SIPA1L1: variants seen among roughly 807,000 people sequenced by gnomAD.
SIPA1L1 encodes the protein signal induced proliferation associated 1 like 1.
In SIPA1L1, 26 loss-of-function variants were observed where a neutral mutation model predicts 162.7. That is an observed-to-expected ratio of 0.16 (90% CI 0.12 to 0.22). The LOEUF (loss-of-function observed/expected upper bound fraction) is 0.22, where lower values mean the gene tolerates loss of function less well. SIPA1L1 is among the 10% of genes least tolerant of loss of function. SIPA1L1 has a pLI of 1.00. For missense variants in SIPA1L1, 1,874 were observed against 2,241.0 expected, an observed-to-expected ratio of 0.84 and a Z score of 3.31; for synonymous variants, 829 against 837.4, an observed-to-expected ratio of 0.99 and a Z score of 0.17.
intron 3 of SIPA1L1, among the ~76,000 whole-genome samples, chr14:71,526,649 A>G (rs749546968): frequency 4.6e-5 from 7 of 152,160 alleles, no homozygotes; most frequent in Admixed American, 6.5e-5. Flanking sequence ...CTCCAAAGGC[A>G]GGTTTGAGCA....
chr14:71,671,212 C>G lies in SIPA1L1; in HGVS notation c.2349C>G (p.Phe783Leu), dbSNP rs369777554. 9.3e-6 allele frequency: 15 copies of G among 1,614,170 alleles called. No homozygotes were observed. Among genetic ancestry groups the G allele is most frequent in the East Asian group, 8.9e-5 (4 of 44,888 alleles). Reference sequence around the variant, plus strand: ...CTAAGTCAAATGTGTTCAGGGACTTCCTTTTGGCGAAAGTGATTAATGCAG... The same window carrying G: ...CTAAGTCAAATGTGTTCAGGGACTTGCTTTTGGCGAAAGTGATTAATGCAG... Reference protein sequence around the residue: ...TFPKSNVFRDFLLAKVINAEN... With the variant: ...TFPKSNVFRDLLLAKVINAEN... Residue 783 changes from phenylalanine to leucine, a missense_variant, in exon 11 of 24, where the codon TTC (phenylalanine) becomes TTG (leucine). Physicochemically the swap from Phe to Leu is conservative, Grantham distance 22. Around this residue, in one of 5 missense-constraint regions of SIPA1L1, gnomAD observed 243 missense variants for 315.0 expected, o/e 0.77. Transcript: ENST00000381232.
chr14:71,574,499 A>C (rs1304791083), intron 4 of SIPA1L1: 1 of 152,268 alleles, frequency 6.6e-6, no homozygotes, highest in Non-Finnish European at 1.5e-5. Context: ...CTGACATTGC[A>C]AAAACAGAGA....
At chr14:71,544,098 C>T (rs2054849668) in intron 4 of SIPA1L1, among the ~76,000 whole-genome samples, 1 of 148,648 alleles carries the variant, frequency 6.7e-6, no homozygotes, top group Non-Finnish European at 1.5e-5. Flanking sequence ...TATACACACG[C>T]ACATGTATGT....
rs142934736 is a variant in SIPA1L1 at position 71,542,367 on chromosome 14, CCTGCTG to C, written c.-303+13012_-303+13017del. 1.8e-3 allele frequency among the ~76,000 whole-genome samples: 248 copies of C among 137,494 alleles called. 1 individual carries two copies. The highest frequency in any genetic ancestry group is 2.8e-3 in the Non-Finnish European group (174 of 62,568). 90.2% of individuals were successfully genotyped at this position (137,494 alleles called of 152,430 possible). On this transcript the variant is annotated intron_variant, in intron 4 of 23. Coordinates refer to ENST00000381232, the MANE Select transcript of SIPA1L1 (RefSeq NM_001386936.1). Reference sequence around the variant, plus strand: ...TCCTTCTTTCCTCTTTCTTCTTCTTCCTGCTGCTGCTGCTGCTGCTTCTTCCTGCTG... The same window carrying C: ...TCCTTCTTTCCTCTTTCTTCTTCTTCCTGCTGCTGCTGCTTCTTCCTGCTG...
intron 2 of SIPA1L1, among the ~76,000 whole-genome samples, chr14:71,361,210 C>T (rs2037781450): frequency 1.3e-5 from 2 of 152,104 alleles, no homozygotes; most frequent in African/African-American, 4.8e-5. Flanking sequence ...TTTTAGTATA[C>T]TCCAAAATGT....
chr14:71,405,122 T>C lies in SIPA1L1; in HGVS notation c.-465+83941T>C, dbSNP rs1253221030. 1.3e-5 allele frequency among the ~76,000 whole-genome samples: 2 copies of C among 152,238 alleles called. 1 individual carries two copies. Among genetic ancestry groups the C allele is most frequent in the Admixed American group, 1.3e-4 (2 of 15,282 alleles). ...ATAGTAGGTGCTCAGTAAATGCTTA[T>C]TGCACAAATGAATGAGTGAGCAAAG... On this transcript the variant is annotated intron_variant, in intron 2 of 23. Transcript: ENST00000381232.
chr14:71,502,439 C>T (rs1049468264), intron 2 of SIPA1L1, among the ~76,000 whole-genome samples: 3 of 151,220 alleles, frequency 2.0e-5, no homozygotes, highest in Non-Finnish European at 4.4e-5. Flanking sequence ...TTAGTAGAGA[C>T]AGGGTCTCAC....
At chr14:71,331,324 A>G (rs140157552) in intron 2 of SIPA1L1, among the ~76,000 whole-genome samples, 7 of 152,354 alleles carry the variant, frequency 4.6e-5, no homozygotes, top group Admixed American at 1.3e-4. Flanking sequence ...GGAAGTATAA[A>G]TGGCACTTTT....
chr14:71,477,303 C>A (rs2047948018), intron 2 of SIPA1L1, among the ~76,000 whole-genome samples: 1 of 152,096 alleles, frequency 6.6e-6, no homozygotes, highest in African/African-American at 2.4e-5. Context: ...GTCTCCCCAC[C>A]TCTACCTCCT....
At chr14:71,650,778 G>A (rs1053742753) in intron 8 of SIPA1L1, among the ~76,000 whole-genome samples, 1 of 152,128 alleles carries the variant, frequency 6.6e-6, no homozygotes, top group African/African-American at 2.4e-5. Flanking sequence ...TTGCTCCTGG[G>A]TGAGCATTGT....
chr14:71,475,713 A>C (rs2047794202), intron 2 of SIPA1L1, among the ~76,000 whole-genome samples: 1 of 152,232 alleles, frequency 6.6e-6, no homozygotes, highest in African/African-American at 2.4e-5. Context: ...TTATGAATTG[A>C]ATGGCCAGAG....
In SIPA1L1 at chr14:71,658,428, A is replaced by C; in HGVS notation, c.2089A>C (p.Lys697Gln). Reference sequence around the variant, plus strand: ...CATGCTGCCATACACACCCAACAACAAACAACAGGTAAGAGATCCTCCTGT... The same window carrying C: ...CATGCTGCCATACACACCCAACAACCAACAACAGGTAAGAGATCCTCCTGT... ...STMLPYTPNN[K>Q]QQLLRKRHIG... The change falls in exon 9 of 24, where the codon AAA (lysine) becomes CAA (glutamine). Residue 697 changes from lysine to glutamine, a missense_variant. By Grantham distance (53) the Lys-to-Gln change is moderately conservative. This residue lies in a region of SIPA1L1 where 243 missense variants were observed against 315.0 expected (regional missense o/e 0.77). Transcript: ENST00000381232. 1 of 1,573,802 alleles carries C rather than the reference A, an allele frequency of 6.4e-7. No individual in the cohort carries two copies. The highest frequency in any genetic ancestry group is 1.1e-5 in the South Asian group (1 of 90,176).
At chr14:71,693,212 T>G (rs1033185774) in intron 13 of SIPA1L1, among the ~76,000 whole-genome samples, 1 of 152,202 alleles carries the variant, frequency 6.6e-6, no homozygotes, top group Non-Finnish European at 1.5e-5. Context: ...GCTCAAAAAG[T>G]TTTGGATTTT....
chr14:71,573,489 G>C (rs1190832735), intron 4 of SIPA1L1: 1 of 448,952 alleles, frequency 2.2e-6, no homozygotes, highest in Non-Finnish European at 4.5e-6. Context: ...GGGAACCAAG[G>C]ATGTGGAGAA....
intron 4 of SIPA1L1, among the ~76,000 whole-genome samples, chr14:71,549,780 C>T (rs1255783058): frequency 1.3e-5 from 2 of 152,162 alleles, no homozygotes; most frequent in Admixed American, 6.5e-5. Flanking sequence ...TTTTTGTTGA[C>T]TCCATTTCTT....
intron 2 of SIPA1L1, among the ~76,000 whole-genome samples, chr14:71,405,762 A>G (rs548689931): frequency 6.6e-6 from 1 of 152,152 alleles, no homozygotes; most frequent in African/African-American, 2.4e-5. Context: ...TGCTGTAATG[A>G]TGTCTTTTAT....
chr14:71,321,152 CGCGGCGGCACCGGGAGGCCGGGCCGA>C lies in SIPA1L1; in HGVS notation c.-489_-465+1del, dbSNP rs1289348790. 6.6e-6 allele frequency: 1 copy of C among 152,112 alleles called. No individual in the cohort carries two copies. The highest frequency in any genetic ancestry group is 2.4e-5 in the African/African-American group (1 of 41,418). The allele number at this position is 152,112 out of a possible 1,614,324, so 9.4% of individuals were successfully genotyped here. On this transcript the variant is annotated 5_prime_UTR_variant, in exon 2 of 24. Transcript: ENST00000381232. ...GCGCGCGGCGGACGCGCCCGGGACG[CGCGGCGGCACCGGGAGGCCGGGCCGA>C]GCGGTAAGTGGTCCCCGCGCCCGGG...
chr14:71,705,109 CAG>C, intron 15 of SIPA1L1, 111 bp from the exon 16 acceptor site: 1 of 766,044 alleles, frequency 1.3e-6, no homozygotes, highest in Admixed American at 2.0e-5. Context: ...TGCTGAAATG[CAG>C]AGTTTGCTGG....
At chr14:71,633,180 G>C (rs1291660736) in intron 7 of SIPA1L1, among the ~76,000 whole-genome samples, 1 of 145,020 alleles carries the variant, frequency 6.9e-6, no homozygotes, top group Non-Finnish European at 1.5e-5. Flanking sequence ...CTGTTCTTTG[G>C]AGATGGGGCC....
Sources: allele counts gnomAD v4.1 joint callset (sites outside exome capture counted in the v4.1 genomes callset), GRCh38; gene constraint gnomAD v4.1.1; regional missense constraint gnomAD v4.1.1; transcripts MANE v1.5; gene names NCBI Gene and HGNC (gene_info 2026-07-23, HGNC 2026-07-21).